The following RETSAT variants were observed in gnomAD, a reference collection of about 807,000 sequenced individuals.
RETSAT encodes the protein retinol saturase.
A neutral mutation model predicts 61.6 loss-of-function variants in RETSAT; 35 were observed. That is an observed-to-expected ratio of 0.57 (90% CI 0.43 to 0.75). The LOEUF (loss-of-function observed/expected upper bound fraction) is 0.75, where lower values mean the gene tolerates loss of function less well. Ranked by LOEUF, RETSAT falls within the 30% of genes least tolerant of loss-of-function variation. The pLI, the probability that RETSAT is intolerant of heterozygous loss-of-function variation, is 0.00. For missense variants in RETSAT, 670 were observed against 759.5 expected (o/e 0.88, Z 1.38); for synonymous variants, 277 against 310.4 (o/e 0.89, Z 1.13).
chr2:85,344,559 C>A (rs779668035), intron 7 of RETSAT, 35 bp downstream of exon 7: 2 of 1,606,952 alleles, frequency 1.2e-6, no homozygotes, highest in Non-Finnish European at 8.5e-7. Flanking sequence ...CAGGGAGGCA[C>A]GGGCCACACA....
At chr2:85,345,630 C>G in intron 6 of RETSAT, 1 of 390,680 alleles carries the variant, frequency 2.6e-6, no homozygotes, top group Non-Finnish European at 4.9e-6. Context: ...CTGTGGGCTG[C>G]CTGCTCTCCT....
Position 85,343,756 on chromosome 2 carries a change from A to G in RETSAT, c.1576T>C (p.Tyr526His). ...TAGSPLTNQF[Y>H]LAAPRGACYG... ...CAGGCACCTCGGGGAGCAGCCAGAT[A>G]GAACTGGTTGGTGAGTGGGGATCCT... Residue 526 changes from tyrosine to histidine, a missense_variant, in exon 10 of 11, where the codon TAT becomes CAT. Transcript: ENST00000295802. 3.1e-6 allele frequency: 5 copies of G among 1,611,594 alleles called. No homozygotes were observed. The highest frequency in any genetic ancestry group is 4.2e-6 in the Non-Finnish European group (5 of 1,179,872).
At chr2:85,350,443 T>A (rs953049978) in intron 3 of RETSAT, among the ~76,000 whole-genome samples, 3 of 152,224 alleles carry the variant, frequency 2.0e-5, no homozygotes, top group Admixed American at 2.0e-4. Context: ...TTGCTTTTAA[T>A]TTTCCTGCTC....
At chr2:85,351,906 G>A (rs780022937) in intron 1 of RETSAT, 44 bp from the exon 2 acceptor site, 7 of 1,580,812 alleles carry the variant, frequency 4.4e-6, no homozygotes, top group Middle Eastern at 1.7e-4. Context: ...GGCAGGGGCA[G>A]GGAAATAGCA....
chr2:85,352,021 T>C (rs1683307186), intron 1 of RETSAT, among the ~76,000 whole-genome samples, 159 bp from the exon 2 acceptor site: 1 of 152,176 alleles, frequency 6.6e-6, no homozygotes. Context: ...ACATTTTACC[T>C]GGGAATACTC....
intron 1 of RETSAT, among the ~76,000 whole-genome samples, chr2:85,353,046 A>C (rs556905957): frequency 6.6e-6 from 1 of 152,370 alleles, no homozygotes; most frequent in East Asian, 1.9e-4. Flanking sequence ...TCAATAGTAA[A>C]AAAAAATTTC....
intron 2 of RETSAT, 51 bp downstream of exon 2, chr2:85,351,629 G>C (rs746713147): frequency 1.3e-6 from 2 of 1,559,134 alleles, no homozygotes; most frequent in Non-Finnish European, 1.8e-6. Flanking sequence ...GCTGCTCCAA[G>C]CCTCTTCAAC....
intron 1 of RETSAT, among the ~76,000 whole-genome samples, chr2:85,352,975 G>A (rs1168942817): frequency 6.6e-6 from 1 of 152,192 alleles, no homozygotes; most frequent in Non-Finnish European, 1.5e-5. Context: ...TGAGATCTGG[G>A]ATGTTTCAAG....
chr2:85,353,403 T>G (rs1394370811), intron 1 of RETSAT, among the ~76,000 whole-genome samples: 1 of 152,254 alleles, frequency 6.6e-6, no homozygotes, highest in African/African-American at 2.4e-5. Context: ...CACTGCACTC[T>G]AGCATGGACA....
At chr2:85,345,185 G>T (rs1438357891) in intron 6 of RETSAT, among the ~76,000 whole-genome samples, 2 of 152,184 alleles carry the variant, frequency 1.3e-5, no homozygotes, top group Non-Finnish European at 2.9e-5. Flanking sequence ...GGCCGAGCAG[G>T]CTGCAGGCTC....
At chr2:85,343,517 G>GCAGCC in intron 10 of RETSAT, 122 bp downstream of exon 10, 1 of 1,529,066 alleles carries the variant, frequency 6.5e-7, no homozygotes, top group Non-Finnish European at 8.9e-7. Context: ...GCCTGCCCAG[G>GCAGCC]CAGCCCTGCT....
At position 85,349,501 on chromosome 2, in the gene RETSAT, C is replaced by G. The variant is rs769507148; in HGVS notation, c.880G>C (p.Gly294Arg). 1.9e-6 allele frequency: 3 copies of G among 1,614,186 alleles called. No individual in the cohort carries two copies. The Admixed American group carries it at 5.0e-5, about 27-fold the overall frequency. ...TGGAAGGCAATTTCACTGGAACCCCCTCGGGGATAAAAGCCTCCTTTCATG... is the reference window on the plus strand; with the variant it reads ...TGGAAGGCAATTTCACTGGAACCCCGTCGGGGATAAAAGCCTCCTTTCATG... ...HYMKGGFYPR[G>R]GSSEIAFHTI... Residue 294 changes from glycine (G) to arginine (R), a missense_variant, in exon 5 of 11, where the codon GGG (glycine) becomes CGG (arginine). Transcript: ENST00000295802.
intron 4 of RETSAT, 45 bp downstream of exon 4, chr2:85,349,995 C>T (rs751942111): frequency 2.1e-5 from 33 of 1,557,688 alleles, no homozygotes; most frequent in South Asian, 1.7e-4. Context: ...AGAGGGCAGC[C>T]GTTCCTCCTC....
intron 1 of RETSAT, among the ~76,000 whole-genome samples, chr2:85,352,066 T>A (rs1040688371): frequency 2.6e-5 from 4 of 152,126 alleles, no homozygotes; most frequent in African/African-American, 9.7e-5. Context: ...TTTTGCTTAT[T>A]TGTTTTTTGA....
Position 85,350,059 on chromosome 2 carries a change from G to T in RETSAT, c.780C>A (p.Ser260Arg), listed in dbSNP as rs141214963. The change falls in exon 4 of 11, where the codon AGC (serine) becomes AGA (arginine). Residue 260 changes from serine (S) to arginine (R), a missense_variant. Transcript: ENST00000295802. ...GASSELQAVL[S>R]YIFPTYGVTP... is the part of the protein sequence containing the mutation. ...ACCCACCGTAAGTGGGGAAGATGTA[G>T]CTGAGTACTGCCTGGAGCTCAGAGG... The T allele has an allele frequency of 2.5e-6, 4 of 1,613,812 alleles. No individual in the cohort carries two copies. The South Asian group carries it at 3.3e-5, about 13-fold the overall frequency.
At position 85,343,074 on chromosome 2, in the gene RETSAT, A is replaced by C. The variant is rs1435853428; in HGVS notation, c.*168T>G. 3 of 910,066 alleles carry C rather than the reference A, an allele frequency of 3.3e-6. No homozygotes were observed. In the African/African-American group the frequency reaches 5.0e-5, roughly 15 times the overall value. The allele number at this position is 910,066 out of a possible 1,614,324, so 56.4% of individuals were successfully genotyped here. A position where few individuals can be genotyped will look rare whatever the true frequency, so the allele number is the denominator to read the frequency against. On this transcript the variant is annotated 3_prime_UTR_variant, in exon 11 of 11. Coordinates refer to ENST00000295802, the MANE Select transcript of RETSAT (RefSeq NM_017750.4). Reference sequence around the variant, plus strand: ...TGCCCCAGCTGGAAGCAGTGATTCCATTGCCCCAGATTCGGAATTGTGATT... The same window carrying C: ...TGCCCCAGCTGGAAGCAGTGATTCCCTTGCCCCAGATTCGGAATTGTGATT...
rs908303 is a variant in RETSAT, at chr2:85,345,919, C to T, written c.1117+56G>A. ...TGACCCACACGGAGCAGGTTGGCTCCAGAAGGGGACACATTGGGGAACCTG... is the reference window on the plus strand; with the variant it reads ...TGACCCACACGGAGCAGGTTGGCTCTAGAAGGGGACACATTGGGGAACCTG... On this transcript the variant is annotated intron_variant, in intron 6 of 10. Transcript: ENST00000295802. 3.3e-3 allele frequency: 5,317 copies of T among 1,613,122 alleles called. 130 individuals carry two copies. In the East Asian group the frequency reaches 0.063, roughly 19 times the overall value.
Position 85,350,140 on chromosome 2 carries a change from T to C in RETSAT, c.699A>G (p.Pro233=). 1.2e-6 allele frequency: 2 copies of C among 1,613,738 alleles called. No individual in the cohort carries two copies. The highest frequency in any genetic ancestry group is 8.5e-7 in the Non-Finnish European group (1 of 1,179,972). ...DRCGLLTRFS[P]FLQASTQSLA... is the part of the protein sequence containing the mutation. The stretch of plus-strand genomic sequence containing the variant: ...GGCTCTGGGTGGATGCTTGAAGGAA[T>C]GGAGAGAAACGAGTCAGCAGCCCAC... Residue 233 remains proline, a synonymous_variant, in exon 4 of 11, where the codon CCA becomes CCG. Transcript: ENST00000295802.
intron 1 of RETSAT, among the ~76,000 whole-genome samples, chr2:85,352,070 T>G (rs1206011027): frequency 6.6e-6 from 1 of 152,182 alleles, no homozygotes; most frequent in African/African-American, 2.4e-5. Context: ...GCTTATTTGT[T>G]TTTTGAGACA....
Sources: allele counts gnomAD v4.1 joint callset (sites outside exome capture counted in the v4.1 genomes callset), GRCh38; gene constraint gnomAD v4.1.1; transcripts MANE v1.5; gene names NCBI Gene and HGNC (gene_info 2026-07-23, HGNC 2026-07-21).